The following KIAA1586 variants were observed in gnomAD, a reference collection of about 807,000 sequenced individuals.
KIAA1586 encodes E3 SUMO-protein ligase KIAA1586.
KIAA1586 carries 5 observed loss-of-function variants against 6.1 expected under a neutral mutation model. The observed-to-expected ratio is 0.82, with a 90% CI of 0.43 to 1.73. The LOEUF is 1.73. Ranked by LOEUF, KIAA1586 falls within the 40% of genes most tolerant of loss-of-function variation. The probability of loss-of-function intolerance (pLI) is 0.02; values close to 1 mark genes in which losing one functional copy is unlikely to be tolerated. For missense variants in KIAA1586, 899 were observed against 878.2 expected (o/e 1.02, Z -0.30); for synonymous variants, 280 against 301.7 (o/e 0.93, Z 0.75).
At chr6:57,058,519 G>A (rs1473593071), downstream of KIAA1586, among the ~76,000 whole-genome samples, 1 of 152,144 alleles carries the variant, frequency 6.6e-6, no homozygotes, top group African/African-American at 2.4e-5. Context: ...CAATAACAGG[G>A]ATGCTAGCCA....
chr6:57,061,315 G>T, the KIAA1586 span, among the ~76,000 whole-genome samples: 3 of 152,160 alleles, frequency 2.0e-5, no homozygotes, highest in African/African-American at 7.2e-5. Context: ...TGGGAGAGTT[G>T]ATTGATATCT....
chr6:57,056,324 A>G (rs1161402870), downstream of KIAA1586, among the ~76,000 whole-genome samples: 1 of 151,966 alleles, frequency 6.6e-6, no homozygotes, highest in Non-Finnish European at 1.5e-5. Flanking sequence ...CTCCTGCCTC[A>G]GCCTCCCAAG....
the KIAA1586 span, among the ~76,000 whole-genome samples, chr6:57,060,931 A>G: frequency 4.0e-5 from 6 of 151,492 alleles, no homozygotes. Flanking sequence ...GATTACAGGC[A>G]TGAACCACTG....
Position 57,054,385 on chromosome 6 carries a change from ATTACT to A in KIAA1586, c.1889_1893del (p.Tyr630Ter). 1 of 1,608,860 alleles carries A rather than the reference ATTACT, an allele frequency of 6.2e-7. No individual in the cohort carries two copies. The highest frequency in any genetic ancestry group is 8.5e-7 in the Non-Finnish European group (1 of 1,178,218). The stretch of plus-strand genomic sequence containing the variant: ...GACAGAAACCATGAAGATATTTTTA[ATTACT>A]TTGATTTGCTGGAACCTTCCACATG... On this transcript the variant is annotated frameshift_variant, in exon 4 of 4. Transcript: ENST00000370733. LOFTEE classifies it low-confidence loss of function (END_TRUNC).
At chr6:57,060,983 T>C in the KIAA1586 span, among the ~76,000 whole-genome samples, 1 of 144,058 alleles carries the variant, frequency 6.9e-6, no homozygotes, top group African/African-American at 2.6e-5. Context: ...TGTTCCGCCT[T>C]TTTTTTTTTT....
At chr6:57,056,091 C>A (rs1025221025), downstream of KIAA1586, among the ~76,000 whole-genome samples, 1 of 152,060 alleles carries the variant, frequency 6.6e-6, no homozygotes, top group African/African-American at 2.4e-5. Flanking sequence ...TGGTGTCACC[C>A]AGGCTGGAGT....
Position 57,053,600 on chromosome 6 carries a change from G to T in KIAA1586, c.1101G>T (p.Leu367Phe). The change falls in exon 4 of 4, where the codon TTG becomes TTT. Residue 367 changes from leucine (L) to phenylalanine (F), a missense_variant. Coordinates refer to ENST00000370733, the MANE Select transcript of KIAA1586 (RefSeq NM_020931.4). ...CAGAGTGTATTGTCAATACATTATT[G>T]ACTACTTTAAATGATTGTGGTTTTA... is the stretch of plus-strand genomic sequence containing the variant. Reference protein sequence around the residue: ...TIAECIVNTLLTTLNDCGFTN... With the variant: ...TIAECIVNTLFTTLNDCGFTN... The T allele has an allele frequency of 1.2e-6, 2 of 1,609,802 alleles. No individual in the cohort carries two copies. Among genetic ancestry groups the T allele is most frequent in the South Asian group, 2.2e-5 (2 of 90,740 alleles).
rs374182304 is a variant in KIAA1586 at position 57,053,847 on chromosome 6, A to G, written c.1348A>G (p.Ile450Val). 2.6e-4 allele frequency: 392 copies of G among 1,517,562 alleles called. No homozygotes were observed. The highest frequency in any genetic ancestry group is 3.3e-4 in the Non-Finnish European group (366 of 1,123,164). 94.0% of individuals were successfully genotyped at this position (1,517,562 alleles called of 1,614,324 possible). A position where few individuals can be genotyped will look rare whatever the true frequency, so the allele number is the denominator to read the frequency against. The change falls in exon 4 of 4, where the codon ATT becomes GTT. Residue 450 changes from isoleucine (I) to valine (V), a missense_variant. By Grantham distance (29) the Ile-to-Val change is conservative. Coordinates refer to ENST00000370733, the MANE Select transcript of KIAA1586 (RefSeq NM_020931.4). ...AATATTTATTGATAAAATTTATTCT[A>G]TTTATCATCAACCTAATAAAAATCA... is the stretch of plus-strand genomic sequence containing the variant. ...LKIFIDKIYS[I>V]YHQPNKNQTK...
At chr6:57,057,761 C>G (rs889143414), downstream of KIAA1586, among the ~76,000 whole-genome samples, 1 of 151,760 alleles carries the variant, frequency 6.6e-6, no homozygotes, top group Admixed American at 6.6e-5. Flanking sequence ...CAAAAAAAAA[C>G]AAAAAACAAA....
chr6:57,062,268 T>A, the KIAA1586 span, among the ~76,000 whole-genome samples: 2 of 152,210 alleles, frequency 1.3e-5, no homozygotes, highest in Admixed American at 6.5e-5. Context: ...GCATTGATTG[T>A]CTCCATTTGA....
Position 57,054,192 on chromosome 6 carries a change from G to A in KIAA1586, c.1693G>A (p.Glu565Lys). 6.3e-7 allele frequency: 1 copy of A among 1,591,146 alleles called. No individual in the cohort carries two copies. The highest frequency in any genetic ancestry group is 8.5e-7 in the Non-Finnish European group (1 of 1,172,292). Residue 565 changes from glutamate to lysine, a missense_variant, in exon 4 of 4, where the codon GAA becomes AAA. By Grantham distance (56) the Glu-to-Lys change is moderately conservative. Transcript: ENST00000370733. ...KLIKRTIRAL[E>K]NLKIGTGKYE... ...GATCAAACGTACCATAAGAGCTTTG[G>A]AAAATTTAAAAATTGGTACTGGAAA... is the stretch of plus-strand genomic sequence containing the variant.
In KIAA1586 at chr6:57,053,996, T is replaced by C. The variant is rs779260527; in HGVS notation, c.1497T>C (p.Tyr499=). 78 of 1,605,484 alleles carry C rather than the reference T, an allele frequency of 4.9e-5. No homozygotes were observed. Among genetic ancestry groups the C allele is most frequent in the Non-Finnish European group, 6.5e-5 (77 of 1,176,884 alleles). ...CTGCTACTGCTGTATGGCATGCATA[T>C]CCTATATTATATATGCATTTTTCTC... ...LQAATAVWHA[Y]PILYMHFSHS... is the part of the protein sequence containing the mutation. Residue 499 remains tyrosine, a synonymous_variant, in exon 4 of 4, where the codon TAT becomes TAC. Coordinates refer to ENST00000370733, the MANE Select transcript of KIAA1586 (RefSeq NM_020931.4).
chr6:57,049,539 C>A (rs2087426110), intron 2 of KIAA1586, among the ~76,000 whole-genome samples: 1 of 152,062 alleles, frequency 6.6e-6, no homozygotes, highest in Admixed American at 6.6e-5. Flanking sequence ...AAACAATATG[C>A]TGAAAGAAAG....
the KIAA1586 span, among the ~76,000 whole-genome samples, chr6:57,061,385 G>GTTAT: frequency 4.6e-5 from 7 of 152,108 alleles, no homozygotes; most frequent in East Asian, 3.9e-4. Flanking sequence ...AACGGTTCTA[G>GTTAT]TTATTTATTT....
chr6:57,051,581 T>C (rs1210242918), intron 3 of KIAA1586, among the ~76,000 whole-genome samples: 1 of 151,662 alleles, frequency 6.6e-6, no homozygotes, highest in African/African-American at 2.4e-5. Flanking sequence ...TTTCAAAGTG[T>C]GATGTGTCTC....
At chr6:57,057,836 C>G (rs1327647046), downstream of KIAA1586, among the ~76,000 whole-genome samples, 2 of 151,988 alleles carry the variant, frequency 1.3e-5, no homozygotes, top group Non-Finnish European at 1.5e-5. Flanking sequence ...CAGGGTCTTG[C>G]TTTGTCGCCC....
intron 2 of KIAA1586, among the ~76,000 whole-genome samples, chr6:57,050,211 A>G (rs1273225692): frequency 6.7e-6 from 1 of 150,290 alleles, no homozygotes; most frequent in African/African-American, 2.5e-5. Context: ...ATTCCTCTAT[A>G]TAGATTTAGG....
At chr6:57,063,450 CTTTTTTTT>C in the KIAA1586 span, among the ~76,000 whole-genome samples, 1 of 102,552 alleles carries the variant, frequency 9.8e-6, no homozygotes, top group African/African-American at 3.9e-5. Flanking sequence ...TATGTTATTT[CTTTTTTTT>C]TTTTTTTTTT....
chr6:57,059,485 G>A (rs924141868), downstream of KIAA1586, among the ~76,000 whole-genome samples: 2 of 151,836 alleles, frequency 1.3e-5, no homozygotes, highest in African/African-American at 4.8e-5. Context: ...CAGCTACTCG[G>A]GAGGCTGAGG....
Sources: allele counts gnomAD v4.1 joint callset (sites outside exome capture counted in the v4.1 genomes callset), GRCh38; gene constraint gnomAD v4.1.1; transcripts MANE v1.5; gene names NCBI Gene and HGNC (gene_info 2026-07-23, HGNC 2026-07-21).